Variants in EGR4 observed in about 807,000 individuals in gnomAD.
The protein encoded by EGR4 is early growth response 4.
Under a neutral mutation model 25.4 loss-of-function variants are expected in EGR4, and 22 were observed. The ratio of observed to expected loss-of-function variants is 0.87; its 90% CI spans 0.62 to 1.24. The LOEUF (loss-of-function observed/expected upper bound fraction) is 1.24, where lower values mean the gene tolerates loss of function less well. EGR4 is among the 50% of genes most tolerant of loss of function. The pLI is 0.00. For synonymous variants in EGR4, 375 were observed against 320.1 expected, an observed-to-expected ratio of 1.17 and a Z score of -1.83; for missense variants, 742 against 702.9, an observed-to-expected ratio of 1.06 and a Z score of -0.63.
Position 73,291,456 on chromosome 2 carries a change from C to G in EGR4, c.*1G>C. 6.3e-7 allele frequency: 1 copy of G among 1,595,252 alleles called. No homozygotes were observed. The highest frequency in any genetic ancestry group is 2.2e-5 in the East Asian group (1 of 44,602). On this transcript the variant is annotated 3_prime_UTR_variant, in exon 2 of 2. Coordinates refer to ENST00000436467, the MANE Select transcript of EGR4 (RefSeq NM_001965.4). ...CCCCAACCCATAAACCCATCTCTTGCTCAGAGAGAAGCGAAGGAGAGGCCC... is the reference window on the plus strand; with the variant it reads ...CCCCAACCCATAAACCCATCTCTTGGTCAGAGAGAAGCGAAGGAGAGGCCC...
chr2:73,291,139 T>G lies in EGR4; in HGVS notation c.*318A>C. 2.8e-6 allele frequency: 1 copy of G among 361,608 alleles called. No homozygotes were observed. Among genetic ancestry groups the G allele is most frequent in the Non-Finnish European group, 5.0e-6 (1 of 199,896 alleles). 22.4% of individuals were successfully genotyped at this position (361,608 alleles called of 1,614,324 possible). On this transcript the variant is annotated 3_prime_UTR_variant, in exon 2 of 2. Coordinates refer to ENST00000436467, the MANE Select transcript of EGR4 (RefSeq NM_001965.4). Reference sequence around the variant, plus strand: ...TGCCCCAGCCTGTCTCTGGGGGTTATAGAGGAAGGCGTGGGGCGTGTGCCA... The same window carrying G: ...TGCCCCAGCCTGTCTCTGGGGGTTAGAGAGGAAGGCGTGGGGCGTGTGCCA...
chr2:73,293,286 T>C lies in EGR4; in HGVS notation c.32A>G (p.Asp11Gly). 6.3e-7 allele frequency: 1 copy of C among 1,590,140 alleles called. No homozygotes were observed. The highest frequency in any genetic ancestry group is 8.5e-7 in the Non-Finnish European group (1 of 1,170,696). Residue 11 changes from aspartate (D) to glycine (G), a missense_variant, in exon 1 of 2, where the codon GAC (aspartate) becomes GGC (glycine). Transcript: ENST00000436467. MLHLSEFSEP[D>G]ALLVKSTEGC... is the part of the protein sequence containing the mutation. The stretch of plus-strand genomic sequence containing the variant: ...TTCAGTGGACTTGACGAGGAGCGCG[T>C]CGGGTTCGGAAAACTCGCTAAGGTG...
rs1180511916 is a variant in EGR4 at position 73,291,026 on chromosome 2, G to A, written c.*431C>T. The A allele has an allele frequency of 2.8e-5, 5 of 176,434 alleles. No homozygotes were observed. Among genetic ancestry groups the A allele is most frequent in the Admixed American group, 6.3e-5 (1 of 15,964 alleles). The allele number at this position is 176,434 out of a possible 1,614,324, so 10.9% of individuals were successfully genotyped here. A position where few individuals can be genotyped will look rare whatever the true frequency, so the allele number is the denominator to read the frequency against. ...TTACAAAAATTAACAACAACAAAAG[G>A]AAAAAAAACCCAAAGCAAAACGTTA... On this transcript the variant is annotated 3_prime_UTR_variant, in exon 2 of 2. Coordinates refer to ENST00000436467, the MANE Select transcript of EGR4 (RefSeq NM_001965.4).
In EGR4 at chr2:73,292,318, G is replaced by A; in HGVS notation, c.600C>T (p.Ala200=). The A allele has an allele frequency of 1.3e-6, 2 of 1,598,080 alleles. No homozygotes were observed. The highest frequency in any genetic ancestry group is 1.7e-6 in the Non-Finnish European group (2 of 1,171,488). The stretch of plus-strand genomic sequence containing the variant: ...CCCAGGGCGCGTAGGGACCCTTGAA[G>A]GCAGAGACAGCGTCCAGCGCTGGCG... ...PASPALDAVS[A]FKGPYAPWEL... is the part of the protein sequence containing the mutation. The change falls in exon 2 of 2, where the codon GCC becomes GCT. Residue 200 remains alanine (A), a synonymous_variant. Coordinates refer to ENST00000436467, the MANE Select transcript of EGR4 (RefSeq NM_001965.4).
chr2:73,291,489 A>G lies in EGR4; in HGVS notation c.1429T>C (p.Tyr477His), dbSNP rs761470641. 2 of 1,609,862 alleles carry G rather than the reference A, an allele frequency of 1.2e-6. No homozygotes were observed. Among genetic ancestry groups the G allele is most frequent in the South Asian group, 2.2e-5 (2 of 90,814 alleles). ...AEERLKGLGF[Y>H]SLGLSFASL is the part of the protein sequence containing the mutation. ...GAAGCGAAGGAGAGGCCCAGCGAGTAAAAGCCGAGGCCCTTGAGCCGCTCC... is the reference window on the plus strand; with the variant it reads ...GAAGCGAAGGAGAGGCCCAGCGAGTGAAAGCCGAGGCCCTTGAGCCGCTCC... The change falls in exon 2 of 2, where the codon TAC becomes CAC. Residue 477 changes from tyrosine to histidine, a missense_variant. By Grantham distance (83) the Tyr-to-His change is moderately conservative. Transcript: ENST00000436467.
Position 73,292,054 on chromosome 2 carries a change from G to A in EGR4, c.864C>T (p.Thr288=). The A allele has an allele frequency of 6.2e-7, 1 of 1,610,518 alleles. No individual in the cohort carries two copies. The highest frequency in any genetic ancestry group is 8.5e-7 in the Non-Finnish European group (1 of 1,178,436). Residue 288 remains threonine (T), a synonymous_variant, in exon 2 of 2, where the codon ACC becomes ACT. Coordinates refer to ENST00000436467, the MANE Select transcript of EGR4 (RefSeq NM_001965.4). The stretch of plus-strand genomic sequence containing the variant: ...TACTCCCTCCCTCCCCACTAGGAGG[G>A]GTCAGGAGCCCAGGGAGGCCCTCAG... ...EGAEGLPGLL[T]PPSGEGGSSG...
rs145377731 is a variant in EGR4 at position 73,293,189 on chromosome 2, G to A, written c.129C>T (p.Tyr43=). 184 of 1,536,264 alleles carry A rather than the reference G, an allele frequency of 1.2e-4. 1 individual carries two copies. In the African/African-American group the frequency reaches 2.4e-3, roughly 20 times the overall value. The change falls in exon 1 of 2, where the codon TAC becomes TAT. Residue 43 remains tyrosine, a synonymous_variant. Transcript: ENST00000436467. ...CCTGCTCGCCCTCCTTACCTCCAGG[G>A]TAGCCGGTGGCCGCGGGAGCGTCCC... ...PARDAPAATG[Y]PGAGDFLSWA...
rs185291647 is a variant in EGR4, at chr2:73,291,387, G to A, written c.*70C>T. On this transcript the variant is annotated 3_prime_UTR_variant, in exon 2 of 2. Transcript: ENST00000436467. ...TGCGAGGAGGAGTTGGAAGAAGAGC[G>A]GGGAGGGGAACGGCCCGGAACTCGT... 4 of 1,515,716 alleles carry A rather than the reference G, an allele frequency of 2.6e-6. No homozygotes were observed. The Admixed American group carries it at 8.9e-5, about 34-fold the overall frequency. The allele number at this position is 1,515,716 out of a possible 1,614,324, so 93.9% of individuals were successfully genotyped here.
chr2:73,292,335 G>A lies in EGR4; in HGVS notation c.583C>T (p.Leu195=). ...CCCTTGAAGGCAGAGACAGCGTCCA[G>A]CGCTGGCGAGGCGGGAGGCGCCCGG... ...GLRAPPASPA[L]DAVSAFKGPY... The change falls in exon 2 of 2, where the codon CTG becomes TTG. Residue 195 remains leucine (L), a synonymous_variant. Transcript: ENST00000436467. 6.3e-7 allele frequency: 1 copy of A among 1,583,624 alleles called. No individual in the cohort carries two copies. Among genetic ancestry groups the A allele is most frequent in the Non-Finnish European group, 8.6e-7 (1 of 1,164,546 alleles).
Position 73,293,389 on chromosome 2 carries a change from C to T in EGR4, c.-72G>A, listed in dbSNP as rs1689152189. ...TGGGGGCGCGCGGGTGGCGGGGAGG[C>T]TGGCGGTAGGGGTTCCCCGCAGCGC... On this transcript the variant is annotated 5_prime_UTR_variant, in exon 1 of 2. Coordinates refer to ENST00000436467, the MANE Select transcript of EGR4 (RefSeq NM_001965.4). The T allele has an allele frequency of 2.0e-6, 3 of 1,499,296 alleles. No homozygotes were observed. 92.9% of individuals were successfully genotyped at this position (1,499,296 alleles called of 1,614,324 possible). A position where few individuals can be genotyped will look rare whatever the true frequency, so the allele number is the denominator to read the frequency against.
In EGR4 at chr2:73,292,673, T is replaced by G. The variant is rs1689135871; in HGVS notation, c.245A>C (p.Tyr82Ser). Reference protein sequence around the residue: ...PAPTPPPGLSYSGSFFIQAVP... With the variant: ...PAPTPPPGLSSSGSFFIQAVP... ...TGCCTGAATGAAGAAGCTACCGCTG[T>G]AGCTGAGGCCGGGAGGGGGTGTGGG... is the stretch of plus-strand genomic sequence containing the variant. Residue 82 changes from tyrosine to serine, a missense_variant, in exon 2 of 2, where the codon TAC (tyrosine) becomes TCC (serine). Transcript: ENST00000436467. 6.5e-7 allele frequency: 1 copy of G among 1,542,324 alleles called. No homozygotes were observed. Among genetic ancestry groups the G allele is most frequent in the Admixed American group, 2.0e-5 (1 of 49,442 alleles).
Position 73,291,873 on chromosome 2 carries a change from TGGG to T in EGR4, c.1042_1044del (p.Pro348del). 6.3e-7 allele frequency: 1 copy of T among 1,575,368 alleles called. No homozygotes were observed. On this transcript the variant is annotated inframe_deletion, in exon 2 of 2. Coordinates refer to ENST00000436467, the MANE Select transcript of EGR4 (RefSeq NM_001965.4). Reference sequence around the variant, plus strand: ...CGCGCCTTGGCCTGGGGGAAAGGGGTGGGCGGCGGCGGCGGCACGGGTGGTGCA... The same window carrying T: ...CGCGCCTTGGCCTGGGGGAAAGGGGTCGGCGGCGGCGGCACGGGTGGTGCA...
rs1213815348 is a variant in EGR4, at chr2:73,290,953, A to C, written c.*504T>G. 6.5e-6 allele frequency: 1 copy of C among 154,704 alleles called. No homozygotes were observed. Among genetic ancestry groups the C allele is most frequent in the Non-Finnish European group, 1.4e-5 (1 of 69,720 alleles). 9.6% of individuals were successfully genotyped at this position (154,704 alleles called of 1,614,324 possible). ...GTAAGCTTTTAGCACAATAATTTTA[A>C]TTGCAAAAATAAACAGTTTTGTCAA... On this transcript the variant is annotated 3_prime_UTR_variant, in exon 2 of 2. Coordinates refer to ENST00000436467, the MANE Select transcript of EGR4 (RefSeq NM_001965.4).
chr2:73,292,641 CG>C lies in EGR4; in HGVS notation c.276del (p.Glu93AsnfsTer17). 1 of 1,547,676 alleles carries C rather than the reference CG, an allele frequency of 6.5e-7. No individual in the cohort carries two copies. Among genetic ancestry groups the C allele is most frequent in the Non-Finnish European group, 8.7e-7 (1 of 1,146,798 alleles). ...AGTGCCTCCGGGTCGTGCGGGTGTT[CG>C]GGCACTGCCTGAATGAAGAAGCTAC... ...YSGSFFIQAV[P>X]EHPHDPEALF... On this transcript the variant is annotated frameshift_variant, in exon 2 of 2. Transcript: ENST00000436467. LOFTEE classifies it high-confidence loss of function.
rs1217203535 is a variant in EGR4 at position 73,293,203 on chromosome 2, C to T, written c.115G>A (p.Ala39Thr). The change falls in exon 1 of 2, where the codon GCG (alanine) becomes ACG (threonine). Residue 39 changes from alanine (A) to threonine (T), a missense_variant. By Grantham distance (58) the Ala-to-Thr change is moderately conservative. Coordinates refer to ENST00000436467, the MANE Select transcript of EGR4 (RefSeq NM_001965.4). ...LPRLPARDAP[A>T]ATGYPGAGDF... Reference sequence around the variant, plus strand: ...TTACCTCCAGGGTAGCCGGTGGCCGCGGGAGCGTCCCTGGCAGGCAGCCGG... The same window carrying T: ...TTACCTCCAGGGTAGCCGGTGGCCGTGGGAGCGTCCCTGGCAGGCAGCCGG... 1.9e-6 allele frequency: 3 copies of T among 1,546,826 alleles called. No individual in the cohort carries two copies. Among genetic ancestry groups the T allele is most frequent in the Non-Finnish European group, 2.6e-6 (3 of 1,146,036 alleles).
Position 73,291,552 on chromosome 2 carries a change from G to T in EGR4, c.1366C>A (p.His456Asn). The T allele has an allele frequency of 6.2e-7, 1 of 1,613,466 alleles. No individual in the cohort carries two copies. Among genetic ancestry groups the T allele is most frequent in the Non-Finnish European group, 8.5e-7 (1 of 1,179,860 alleles). ...TTCTGCTTGAGGTGCACCTTGCTGT[G>T]CCGTTTCTTCTCATCGCTGCGCGCG... ...RFARSDEKKRHSKVHLKQKAR... is the reference protein window; with the variant it reads ...RFARSDEKKRNSKVHLKQKAR... Residue 456 changes from histidine to asparagine, a missense_variant, in exon 2 of 2, where the codon CAC (histidine) becomes AAC (asparagine). Coordinates refer to ENST00000436467, the MANE Select transcript of EGR4 (RefSeq NM_001965.4).
Position 73,292,116 on chromosome 2 carries a change from C to T in EGR4, c.802G>A (p.Ala268Thr). Reference sequence around the variant, plus strand: ...AAGTCACCCGGGGCCAGCGGGAAAGCGTCATAGGCCCCGCTGGGATAGAGT... The same window carrying T: ...AAGTCACCCGGGGCCAGCGGGAAAGTGTCATAGGCCCCGCTGGGATAGAGT... ...NRLYPSGAYD[A>T]FPLAPGDLGE... Residue 268 changes from alanine (A) to threonine (T), a missense_variant, in exon 2 of 2, where the codon GCT (alanine) becomes ACT (threonine). Physicochemically the swap from Ala to Thr is moderately conservative, Grantham distance 58 (BLOSUM62 0). Transcript: ENST00000436467. 6.2e-7 allele frequency: 1 copy of T among 1,602,628 alleles called. No homozygotes were observed. The highest frequency in any genetic ancestry group is 2.3e-5 in the East Asian group (1 of 44,080).
At position 73,292,045 on chromosome 2, in the gene EGR4, A is replaced by T; in HGVS notation, c.873T>A (p.Ser291Arg). Residue 291 changes from serine to arginine, a missense_variant, in exon 2 of 2, where the codon AGT becomes AGA. By Grantham distance (110) the Ser-to-Arg change is moderately radical. Coordinates refer to ENST00000436467, the MANE Select transcript of EGR4 (RefSeq NM_001965.4). ...CGTCGCCGCTACTCCCTCCCTCCCC[A>T]CTAGGAGGGGTCAGGAGCCCAGGGA... is the stretch of plus-strand genomic sequence containing the variant. ...EGLPGLLTPP[S>R]GEGGSSGDGG... 1 of 1,609,096 alleles carries T rather than the reference A, an allele frequency of 6.2e-7. No individual in the cohort carries two copies. Among genetic ancestry groups the T allele is most frequent in the Non-Finnish European group, 8.5e-7 (1 of 1,177,692 alleles).
At position 73,291,136 on chromosome 2, in the gene EGR4, T is replaced by C; in HGVS notation, c.*321A>G. On this transcript the variant is annotated 3_prime_UTR_variant, in exon 2 of 2. Coordinates refer to ENST00000436467, the MANE Select transcript of EGR4 (RefSeq NM_001965.4). ...CGCTGCCCCAGCCTGTCTCTGGGGG[T>C]TATAGAGGAAGGCGTGGGGCGTGTG... 1 of 324,992 alleles carries C rather than the reference T, an allele frequency of 3.1e-6. No homozygotes were observed. The highest frequency in any genetic ancestry group is 5.6e-6 in the Non-Finnish European group (1 of 177,430). The allele number at this position is 324,992 out of a possible 1,614,324, so 20.1% of individuals were successfully genotyped here. A position where few individuals can be genotyped will look rare whatever the true frequency, so the allele number is the denominator to read the frequency against.
Sources: allele counts gnomAD v4.1 joint callset, GRCh38; gene constraint gnomAD v4.1.1; transcripts MANE v1.5; gene names NCBI Gene and HGNC (gene_info 2026-07-23, HGNC 2026-07-21).